PCDHGB7: variants seen among roughly 807,000 people sequenced by gnomAD.
PCDHGB7 encodes the protein protocadherin gamma subfamily B, 7, also known as protocadherin gamma-B7.
PCDHGB7 carries 37 observed loss-of-function variants against 61.4 expected under a neutral mutation model. That is an observed-to-expected ratio of 0.60 (90% CI 0.46 to 0.79). The LOEUF is 0.79. PCDHGB7 is among the 30% of genes least tolerant of loss of function. The probability of loss-of-function intolerance (pLI) is 0.00; values close to 1 mark genes in which losing one functional copy is unlikely to be tolerated. For missense variants in PCDHGB7, 1,166 were observed against 1,202.5 expected (o/e 0.97, Z 0.45); for synonymous variants, 464 against 503.5 (o/e 0.92, Z 1.05).
chr5:141,457,694 C>T (rs891323419), intron 1 of PCDHGB7, among the ~76,000 whole-genome samples: 4 of 152,214 alleles, frequency 2.6e-5, no homozygotes, highest in Non-Finnish European at 5.9e-5. Context: ...TTTGGATTGG[C>T]TTTGATGAAA....
rs769153122 is a variant in PCDHGB7 at position 141,485,243 on chromosome 5, C to T, written c.2416-9564C>T. 8 of 1,614,062 alleles carry T rather than the reference C, an allele frequency of 5.0e-6. No homozygotes were observed. In the Admixed American group the frequency reaches 1.2e-4, roughly 24 times the overall value. ...TACCCTTTTGTTCCTCTTTTACCACCTGGGTTACGTTTGTGGGCAGATCCG... is the reference window on the plus strand; with the variant it reads ...TACCCTTTTGTTCCTCTTTTACCACTTGGGTTACGTTTGTGGGCAGATCCG... On this transcript the variant is annotated intron_variant, in intron 1 of 3. Transcript: ENST00000398594. The surrounding 1 kb of genome is among the most constrained non-coding windows in gnomAD (Gnocchi z 5.7).
intron 1 of PCDHGB7, among the ~76,000 whole-genome samples, chr5:141,446,961 GA>G (rs1466390366): frequency 2.0e-5 from 3 of 152,070 alleles, no homozygotes; most frequent in Admixed American, 1.3e-4. Context: ...AGCACCCAGG[GA>G]AATTTGCTGT....
chr5:141,438,685 G>A (rs2098051190), intron 1 of PCDHGB7, among the ~76,000 whole-genome samples: 1 of 143,314 alleles, frequency 7.0e-6, no homozygotes, highest in Non-Finnish European at 1.5e-5. Context: ...GTAGGGGATG[G>A]AGTCTTGCTC....
chr5:141,457,635 T>G (rs1242403589), intron 1 of PCDHGB7, among the ~76,000 whole-genome samples: 2 of 152,270 alleles, frequency 1.3e-5, no homozygotes, highest in African/African-American at 4.8e-5. Flanking sequence ...ATACTTGGCC[T>G]GATTATTTGC....
intron 1 of PCDHGB7, among the ~76,000 whole-genome samples, chr5:141,458,339 T>A (rs1380637284): frequency 2.0e-5 from 3 of 150,846 alleles, no homozygotes; most frequent in Non-Finnish European, 3.0e-5. Context: ...TTTTAAGGAG[T>A]GGAGAGTTTA....
At chr5:141,443,312 C>T (rs1296976995) in intron 1 of PCDHGB7, among the ~76,000 whole-genome samples, 2 of 115,698 alleles carry the variant, frequency 1.7e-5, no homozygotes, top group Non-Finnish European at 3.3e-5. Flanking sequence ...AAAAACCCAT[C>T]TCTACAAAAA....
intron 1 of PCDHGB7, chr5:141,479,743 T>C (rs2154578017): frequency 6.6e-6 from 1 of 152,356 alleles, no homozygotes; most frequent in African/African-American, 2.4e-5. Flanking sequence ...ATATGCACAA[T>C]GTGAAAGGTA....
At chr5:141,470,511 A>T (rs1043414941) in intron 1 of PCDHGB7, among the ~76,000 whole-genome samples, 37 of 152,198 alleles carry the variant, frequency 2.4e-4, no homozygotes, top group African/African-American at 8.7e-4. Flanking sequence ...TTAGACAGTT[A>T]GCTAATATTA....
chr5:141,427,742 C>T, intron 1 of PCDHGB7: 2 of 1,247,208 alleles, frequency 1.6e-6, no homozygotes, highest in Non-Finnish European at 2.3e-6. Context: ...GCCAAGTCTC[C>T]TACTCCATCG....
intron 1 of PCDHGB7, among the ~76,000 whole-genome samples, chr5:141,492,922 T>C (rs1191111432): frequency 1.3e-5 from 2 of 152,194 alleles, no homozygotes; most frequent in Non-Finnish European, 2.9e-5. Context: ...TGCCCAGCGA[T>C]CTAGGGTCAG....
In PCDHGB7 at chr5:141,489,594, TGTAGAG is replaced by T. The variant is rs1298302866; in HGVS notation, c.2416-5206_2416-5201del. 1 of 1,613,958 alleles carries T rather than the reference TGTAGAG, an allele frequency of 6.2e-7. No homozygotes were observed. The highest frequency in any genetic ancestry group is 1.3e-5 in the African/African-American group (1 of 74,906). ...CTGAACACCCCCTGGAGCTAATCCG[TGTAGAG>T]GTAGAGATCCTGGATCTCAATGACA... On this transcript the variant is annotated intron_variant, in intron 1 of 3. Coordinates refer to ENST00000398594, the MANE Select transcript of PCDHGB7 (RefSeq NM_018927.4). The surrounding 1 kb of genome is among the most constrained non-coding windows in gnomAD (Gnocchi z 4.5).
chr5:141,435,467 G>A (rs1019246812), intron 1 of PCDHGB7, among the ~76,000 whole-genome samples: 3 of 152,146 alleles, frequency 2.0e-5, no homozygotes, highest in Non-Finnish European at 2.9e-5. Context: ...GTGTTTCCAA[G>A]TTAGACATTT....
At chr5:141,500,250 C>T (rs913074120) in intron 2 of PCDHGB7, among the ~76,000 whole-genome samples, 4 of 149,826 alleles carry the variant, frequency 2.7e-5, no homozygotes, top group African/African-American at 9.9e-5. Flanking sequence ...GCTCTGTCAC[C>T]CAGGCTGGAC....
At chr5:141,423,100 G>A in intron 1 of PCDHGB7, 1 of 1,613,944 alleles carries the variant, frequency 6.2e-7, no homozygotes, top group Non-Finnish European at 8.5e-7. Context: ...GGAGCACACG[G>A]GCGAGGTGCG....
At position 141,419,527 on chromosome 5, in the gene PCDHGB7, C is replaced by G. The variant is rs755936657; in HGVS notation, c.1668C>G (p.Asn556Lys). ...TGCGCGTGTTGGTGGGCGACCGTAA[C>G]GACAACGCACCGCGGGTGCTGTACC... is the stretch of plus-strand genomic sequence containing the variant. The part of the protein sequence containing the change: ...VSLRVLVGDR[N>K]DNAPRVLYPA... Residue 556 changes from asparagine to lysine, a missense_variant, in exon 1 of 4, where the codon AAC becomes AAG. By Grantham distance (94) the Asn-to-Lys change is moderately conservative (BLOSUM62 0). Transcript: ENST00000398594. The G allele has an allele frequency of 6.8e-5, 110 of 1,612,064 alleles. 2 individuals carry two copies. In the South Asian group the frequency reaches 9.6e-4, roughly 14 times the overall value.
chr5:141,453,032 G>A (rs2098754281), intron 1 of PCDHGB7, among the ~76,000 whole-genome samples: 1 of 152,132 alleles, frequency 6.6e-6, no homozygotes, highest in Admixed American at 6.5e-5. Flanking sequence ...TTAAAATAAA[G>A]TTTGTTTCTA....
chr5:141,488,548 T>C (rs112676623), intron 1 of PCDHGB7, among the ~76,000 whole-genome samples: 2 of 152,318 alleles, frequency 1.3e-5, no homozygotes, highest in African/African-American at 4.8e-5. Flanking sequence ...CCATGTCAGC[T>C]GACATTGAGA....
chr5:141,446,797 A>G lies in PCDHGB7; in HGVS notation c.2415+26523A>G, dbSNP rs559881142. ...CCATTCTTTTACTCTGAGTTCTTCC[A>G]TTGTGATCATCTAGTCAGATGGGTA... is the stretch of plus-strand genomic sequence containing the variant. On this transcript the variant is annotated intron_variant, in intron 1 of 3. Coordinates refer to ENST00000398594, the MANE Select transcript of PCDHGB7 (RefSeq NM_018927.4). Among the ~76,000 whole-genome samples, 48 of 152,224 alleles carry G rather than the reference A, an allele frequency of 3.2e-4. No individual in the cohort carries two copies. In the South Asian group the frequency reaches 7.3e-3, roughly 23 times the overall value.
chr5:141,428,557 C>T (rs2097147196), intron 1 of PCDHGB7: 2 of 242,520 alleles, frequency 8.2e-6, no homozygotes, highest in Non-Finnish European at 1.6e-5. Context: ...AACAGTCCCC[C>T]CACAAGATCT....
Sources: gnomAD v4.1 joint callset for allele counts (sites outside exome capture counted in the v4.1 genomes callset) on GRCh38, gnomAD v4.1.1 for gene constraint, Gnocchi (gnomAD v3.1) non-coding constraint, MANE v1.5 for transcripts, NCBI Gene and HGNC (gene_info 2026-07-23, HGNC 2026-07-21) for gene names.